Variants in TLE2 observed in about 807,000 individuals in gnomAD.
The protein encoded by TLE2 is TLE family member 2, transcriptional corepressor.
TLE2 carries 74 observed loss-of-function variants against 97.2 expected under a neutral mutation model. That is an observed-to-expected ratio of 0.76 (90% confidence interval 0.63 to 0.92). The LOEUF (loss-of-function observed/expected upper bound fraction) is 0.92. Ranked by LOEUF, TLE2 falls within the 40% of genes least tolerant of loss-of-function variation. The pLI is 0.00. For synonymous variants in TLE2, 499 were observed against 432.1 expected (o/e 1.15, Z -1.92); for missense variants, 1,038 against 1,008.7 (o/e 1.03, Z -0.39).
intron 19 of TLE2, among the ~76,000 whole-genome samples, chr19:2,998,274 T>TGTGTAA (rs1387119295): frequency 1.2e-5 from 1 of 85,706 alleles, no homozygotes; most frequent in Non-Finnish European, 2.7e-5. Flanking sequence ...TGTGTGTGTG[T>TGTGTAA]GTAATTTTTT....
At chr19:3,042,103 G>A (rs2090108074) in intron 1 of TLE2, among the ~76,000 whole-genome samples, 1 of 151,104 alleles carries the variant, frequency 6.6e-6, no homozygotes. Context: ...GGAGCGCAGG[G>A]AGCGTGGGGA....
chr19:3,035,408 G>C (rs2090054445), intron 1 of TLE2, among the ~76,000 whole-genome samples: 1 of 152,038 alleles, frequency 6.6e-6, no homozygotes, highest in Non-Finnish European at 1.5e-5. Flanking sequence ...TTCCCCAGCT[G>C]CACCATCAGG....
At chr19:3,034,409 T>C (rs2145224178) in intron 1 of TLE2, among the ~76,000 whole-genome samples, 1 of 151,908 alleles carries the variant, frequency 6.6e-6, no homozygotes. Context: ...CTGGAACCTC[T>C]GCAACCCTGC....
At chr19:3,010,957 C>G in intron 12 of TLE2, 65 bp downstream of exon 12, 1 of 1,538,238 alleles carries the variant, frequency 6.5e-7, no homozygotes, top group Non-Finnish European at 8.7e-7. Context: ...TCTCCAGCCC[C>G]TTTTCCTAGA....
At chr19:3,011,188 C>A in intron 11 of TLE2, 28 bp from the exon 12 acceptor site, 1 of 1,544,268 alleles carries the variant, frequency 6.5e-7, no homozygotes. Context: ...GACTGAAGGC[C>A]ACCAGGCACC....
intron 13 of TLE2, among the ~76,000 whole-genome samples, 175 bp from the exon 14 acceptor site, chr19:3,009,120 A>G (rs1270125903): frequency 1.3e-5 from 2 of 152,082 alleles, no homozygotes; most frequent in Non-Finnish European, 2.9e-5. Context: ...TCACTTGAGC[A>G]CACCGACACC....
At position 3,019,392 on chromosome 19, in the gene TLE2, G is replaced by C; in HGVS notation, c.441C>G (p.Gly147=). 1.9e-6 allele frequency: 3 copies of C among 1,543,104 alleles called. No homozygotes were observed. Among genetic ancestry groups the C allele is most frequent in the Non-Finnish European group, 2.6e-6 (3 of 1,150,492 alleles). Residue 147 remains glycine, a synonymous_variant, in exon 7 of 20, where the codon GGC becomes GGG. Transcript: ENST00000262953. The surrounding 1 kb of genome is among the most constrained non-coding windows in gnomAD (Gnocchi z 5.1). Reference sequence around the variant, plus strand: ...GAGCAAGCAGCCCCGTAGCACTGCCGCCCACCAGCCCGGCTGGGCGGGGGG... The same window carrying C: ...GAGCAAGCAGCCCCGTAGCACTGCCCCCCACCAGCCCGGCTGGGCGGGGGG... ...PLTPRPAGLV[G]GSATGLLALS... is the part of the protein sequence containing the mutation.
chr19:2,998,598 G>C (rs1044047980), intron 19 of TLE2, among the ~76,000 whole-genome samples: 5 of 151,992 alleles, frequency 3.3e-5, no homozygotes, highest in Admixed American at 2.6e-4. Context: ...ATTTTTAGTA[G>C]AGACTGGGTT....
At chr19:3,025,534 C>T (rs746171449) in intron 4 of TLE2, 17 of 993,674 alleles carry the variant, frequency 1.7e-5, no homozygotes, top group African/African-American at 3.5e-5. Context: ...TGGTCTCCTC[C>T]GCTTCCCAGG....
At position 3,019,781 on chromosome 19, in the gene TLE2, G is replaced by A. The variant is rs1427699526; in HGVS notation, c.295-8C>T. The A allele has an allele frequency of 6.2e-7, 1 of 1,611,246 alleles. No individual in the cohort carries two copies. Among genetic ancestry groups the A allele is most frequent in the Non-Finnish European group, 8.5e-7 (1 of 1,179,008 alleles). On this transcript the variant is annotated splice_region_variant and splice_polypyrimidine_tract_variant and intron_variant, in intron 5 of 19. Coordinates refer to ENST00000262953, the MANE Select transcript of TLE2 (RefSeq NM_003260.5). This position sits in a 1 kb window ranked among gnomAD's most constrained non-coding sequence, Gnocchi z 5.1. The stretch of plus-strand genomic sequence containing the variant: ...GAGCACCTGCTGCTGATGCTGGCGG[G>A]TGGAAGGGATCAGGTAGAGGGTACA...
chr19:3,027,206 A>C (rs1365824256), intron 4 of TLE2, among the ~76,000 whole-genome samples: 3 of 152,268 alleles, frequency 2.0e-5, no homozygotes, highest in African/African-American at 7.2e-5. Flanking sequence ...CACACTGAGA[A>C]GCTCCAGAAG....
chr19:3,027,627 AG>A (rs570855431), intron 4 of TLE2, among the ~76,000 whole-genome samples: 1 of 152,158 alleles, frequency 6.6e-6, no homozygotes, highest in South Asian at 2.1e-4. Context: ...TGTCTTCAGA[AG>A]GTGGGACTCA....
intron 14 of TLE2, among the ~76,000 whole-genome samples, chr19:3,008,514 G>A (rs548030222): frequency 5.3e-5 from 8 of 150,466 alleles, no homozygotes; most frequent in South Asian, 2.1e-4. Context: ...GCAATGGCAC[G>A]GTCTCAGCTC....
chr19:3,002,730 A>G (rs1389347394), intron 17 of TLE2, among the ~76,000 whole-genome samples: 1 of 149,934 alleles, frequency 6.7e-6, no homozygotes, highest in African/African-American at 2.5e-5. Context: ...ACAGAGTCTC[A>G]CTGTGTCACC....
chr19:3,045,793 C>CT, upstream of TLE2: 1 of 427,296 alleles, frequency 2.3e-6, no homozygotes. Flanking sequence ...CACCATTGCA[C>CT]TTCAGCCTGG....
At position 3,013,091 on chromosome 19, in the gene TLE2, T is replaced by G. The variant is rs555665048; in HGVS notation, c.873+578A>C. ...GGGAGGCCTAGAAACCGACATACTC[T>G]TCCCTGGTAAGTGTAGGGGAGGGGT... On this transcript the variant is annotated intron_variant, in intron 11 of 19. Coordinates refer to ENST00000262953, the MANE Select transcript of TLE2 (RefSeq NM_003260.5). Among the ~76,000 whole-genome samples the G allele has an allele frequency of 3.2e-4, 48 of 152,188 alleles. 1 individual carries two copies. The South Asian group carries it at 5.4e-3, about 17-fold the overall frequency.
intron 18 of TLE2, 26 bp downstream of exon 18, chr19:3,002,327 G>A (rs374617472): frequency 3.3e-5 from 52 of 1,581,018 alleles, no homozygotes; most frequent in Non-Finnish European, 4.0e-5. Context: ...TTTTGAGGGC[G>A]TGCCACCCCG....
chr19:3,024,162 G>A (rs886356025), intron 5 of TLE2, among the ~76,000 whole-genome samples: 15 of 149,584 alleles, frequency 1.0e-4, no homozygotes, highest in Non-Finnish European at 2.2e-4. Flanking sequence ...CACCATGCCC[G>A]GCTAATTTTT....
chr19:3,012,589 G>A (rs943985949), intron 11 of TLE2, among the ~76,000 whole-genome samples: 2 of 152,124 alleles, frequency 1.3e-5, no homozygotes, highest in Admixed American at 1.3e-4. Flanking sequence ...ACCCCACAGC[G>A]GCATATTCCC....
Sources: gnomAD v4.1 joint callset for allele counts (sites outside exome capture counted in the v4.1 genomes callset) on GRCh38, gnomAD v4.1.1 for gene constraint, Gnocchi (gnomAD v3.1) non-coding constraint, MANE v1.5 for transcripts, NCBI Gene and HGNC (gene_info 2026-07-23, HGNC 2026-07-21) for gene names.